Variants in NKAIN3 observed in about 807,000 individuals in gnomAD.
The protein encoded by NKAIN3 is sodium/potassium-transporting ATPase subunit beta-1-interacting protein 3.
Under a neutral mutation model 30.2 loss-of-function variants are expected in NKAIN3, and 25 were observed. The observed-to-expected ratio is 0.83, with a 90% CI of 0.60 to 1.16. The LOEUF (loss-of-function observed/expected upper bound fraction) is 1.16, where lower values mean the gene tolerates loss of function less well. Ranked by LOEUF, NKAIN3 falls within the 50% of genes most tolerant of loss-of-function variation. The probability of loss-of-function intolerance (pLI) is 0.00; values close to 1 mark genes in which losing one functional copy is unlikely to be tolerated. For missense variants in NKAIN3, 225 were observed against 254.1 expected, an observed-to-expected ratio of 0.89 and a Z score of 0.78; for synonymous variants, 91 against 89.6, an observed-to-expected ratio of 1.02 and a Z score of -0.09.
At chr8:62,864,620 T>G (rs1286150910) in intron 4 of NKAIN3, among the ~76,000 whole-genome samples, 1 of 152,202 alleles carries the variant, frequency 6.6e-6, no homozygotes, top group African/African-American at 2.4e-5. Flanking sequence ...ACCTCGTTGT[T>G]TTCTGGATCC....
intron 4 of NKAIN3, among the ~76,000 whole-genome samples, chr8:62,869,322 C>T (rs57082795): frequency 0.076 from 11,574 of 152,116 alleles, 1,473 homozygotes; most frequent in African/African-American, 0.26. Flanking sequence ...TGCCGCCACC[C>T]GGCGCCCCCC....
At chr8:62,813,358 AT>A (rs35620594) in intron 4 of NKAIN3, among the ~76,000 whole-genome samples, 134,293 of 151,604 alleles carry the variant, frequency 0.89, 59,618 homozygotes, top group African/African-American at 0.91. Flanking sequence ...AAATTTTAGG[AT>A]TTTTTTTTAT....
At position 62,856,832 on chromosome 8, in the gene NKAIN3, C is replaced by T. The variant is rs1017276113; in HGVS notation, c.472-61621C>T. 7 of 608,012 alleles carry T rather than the reference C, an allele frequency of 1.2e-5. No homozygotes were observed. The African/African-American group carries it at 1.3e-4, about 11-fold the overall frequency. 37.7% of individuals were successfully genotyped at this position (608,012 alleles called of 1,614,324 possible). ...TCTTTCTCTGCACTATAGAGCATCA[C>T]TGCCAAGAGATCTCAAACACTGTTT... On this transcript the variant is annotated intron_variant, in intron 4 of 6. Transcript: ENST00000623646.
intron 3 of NKAIN3, among the ~76,000 whole-genome samples, chr8:62,744,035 C>T (rs913576344): frequency 6.6e-6 from 1 of 152,176 alleles, no homozygotes; most frequent in East Asian, 1.9e-4. Context: ...GGTTCTGGTT[C>T]GTTCTGGTTC....
Position 62,974,989 on chromosome 8 carries a change from C to G in NKAIN3, c.*9582C>G, listed in dbSNP as rs941778228. On this transcript the variant is annotated 3_prime_UTR_variant, in exon 7 of 7. Coordinates refer to ENST00000623646, the MANE Select transcript of NKAIN3 (RefSeq NM_001304533.3). ...CATTCATTTGCATATGTTGAAACAG[C>G]CTTGCATCCCAGGGATGAAGCTGAC... 6.6e-6 allele frequency among the ~76,000 whole-genome samples: 1 copy of G among 152,140 alleles called. No homozygotes were observed. The highest frequency in any genetic ancestry group is 2.4e-5 in the African/African-American group (1 of 41,426).
At position 62,980,079 on chromosome 8, in the gene NKAIN3, CA is replaced by C. The variant is rs1034122551; in HGVS notation, c.*14673del. 1 of 152,216 alleles carries C rather than the reference CA, an allele frequency of 6.6e-6. No homozygotes were observed. Among genetic ancestry groups the C allele is most frequent in the African/African-American group, 2.4e-5 (1 of 41,452 alleles). The allele number at this position is 152,216 out of a possible 1,614,324, so 9.4% of individuals were successfully genotyped here. ...TTGCTTCCCAAAAGACAGAACAGCT[CA>C]GTCCTGGCTGCCACCTTCTTTCTTT... On this transcript the variant is annotated 3_prime_UTR_variant, in exon 7 of 7. Transcript: ENST00000623646.
chr8:62,281,773 T>C (rs192919084), intron 1 of NKAIN3, among the ~76,000 whole-genome samples: 3 of 152,188 alleles, frequency 2.0e-5, no homozygotes, highest in Non-Finnish European at 2.9e-5. Context: ...TGTAAACTTA[T>C]GCATGTTTGT....
At chr8:62,868,064 G>T (rs987849156) in intron 4 of NKAIN3, among the ~76,000 whole-genome samples, 1 of 152,146 alleles carries the variant, frequency 6.6e-6, no homozygotes, top group Non-Finnish European at 1.5e-5. Flanking sequence ...GAGTGTACTG[G>T]ATCTGACTAG....
chr8:62,349,029 A>G, intron 1 of NKAIN3, among the ~76,000 whole-genome samples: 1 of 152,192 alleles, frequency 6.6e-6, no homozygotes, highest in East Asian at 1.9e-4. Context: ...AGGTCATTAC[A>G]CAAACATACC....
At chr8:62,620,405 T>C in intron 3 of NKAIN3, among the ~76,000 whole-genome samples, 1 of 152,108 alleles carries the variant, frequency 6.6e-6, no homozygotes. Flanking sequence ...GCTTAACAGA[T>C]CCAATATGCC....
intron 6 of NKAIN3, among the ~76,000 whole-genome samples, chr8:62,959,257 A>G (rs778502407): frequency 2.4e-4 from 37 of 152,216 alleles, no homozygotes; most frequent in Middle Eastern, 6.8e-3. Context: ...CAATCCGGGT[A>G]CACAGGAAAC....
chr8:62,746,619 C>T (rs1816079397), intron 3 of NKAIN3, among the ~76,000 whole-genome samples: 1 of 152,090 alleles, frequency 6.6e-6, no homozygotes, highest in South Asian at 2.1e-4. Context: ...AAAATGCAGA[C>T]AAAAGTTTCA....
intron 1 of NKAIN3, among the ~76,000 whole-genome samples, chr8:62,505,992 C>T (rs1274652310): frequency 6.6e-6 from 1 of 152,066 alleles, no homozygotes; most frequent in Non-Finnish European, 1.5e-5. Context: ...TGGCACTCTT[C>T]CTCCATCTTT....
intron 1 of NKAIN3, among the ~76,000 whole-genome samples, chr8:62,552,794 C>T (rs910698283): frequency 6.6e-6 from 1 of 152,152 alleles, no homozygotes; most frequent in African/African-American, 2.4e-5. Context: ...GTGGTGTGCC[C>T]TAATGTGCAA....
chr8:62,948,768 T>C (rs184711823), intron 5 of NKAIN3, among the ~76,000 whole-genome samples: 43 of 152,346 alleles, frequency 2.8e-4, no homozygotes, highest in Admixed American at 2.4e-3. Context: ...ATGTAATGTC[T>C]AGATGATAAA....
chr8:62,616,486 A>T (rs895207440), intron 3 of NKAIN3, among the ~76,000 whole-genome samples: 1 of 152,150 alleles, frequency 6.6e-6, no homozygotes, highest in African/African-American at 2.4e-5. Context: ...CCAGGACAAG[A>T]TATGAGGGCG....
At chr8:62,859,424 G>T (rs1820168690) in intron 4 of NKAIN3, among the ~76,000 whole-genome samples, 1 of 145,086 alleles carries the variant, frequency 6.9e-6, no homozygotes, top group African/African-American at 2.5e-5. Flanking sequence ...AAGCTTGTCT[G>T]GCTCATCTTG....
At chr8:62,760,280 A>G (rs1816607875) in intron 4 of NKAIN3, among the ~76,000 whole-genome samples, 1 of 152,208 alleles carries the variant, frequency 6.6e-6, no homozygotes, top group Admixed American at 6.5e-5. Context: ...TACTGGGTAT[A>G]TACCCAAAGG....
chr8:62,313,914 A>T (rs75049494), intron 1 of NKAIN3, among the ~76,000 whole-genome samples: 3,005 of 152,254 alleles, frequency 0.02, 98 homozygotes, highest in African/African-American at 0.066. Context: ...CACCGGAGAC[A>T]TTGCTATAAA....
Sources: allele counts gnomAD v4.1 joint callset (sites outside exome capture counted in the v4.1 genomes callset), GRCh38; gene constraint gnomAD v4.1.1; transcripts MANE v1.5; gene names NCBI Gene and HGNC (gene_info 2026-07-23, HGNC 2026-07-21).